The following IQCJ variants were observed in gnomAD, a reference collection of about 807,000 sequenced individuals.
IQCJ encodes the protein IQ domain-containing protein J.
In IQCJ, 9 loss-of-function variants were observed where a neutral mutation model predicts 11.0. That is an observed-to-expected ratio of 0.82 (90% confidence interval 0.49 to 1.43). The LOEUF (loss-of-function observed/expected upper bound fraction) is 1.43, where lower values mean the gene tolerates loss of function less well. Among genes scored for constraint, IQCJ ranks in the 40% most tolerant of loss-of-function variants. The probability of loss-of-function intolerance (pLI) is 0.00; values close to 1 mark genes in which losing one functional copy is unlikely to be tolerated. For synonymous variants in IQCJ, 55 were observed against 51.3 expected, an observed-to-expected ratio of 1.07 and a Z score of -0.31; for missense variants, 146 against 133.2, an observed-to-expected ratio of 1.10 and a Z score of -0.47.
intron 1 of IQCJ, among the ~76,000 whole-genome samples, chr3:159,153,477 A>G (rs1721344761): frequency 6.6e-6 from 1 of 152,190 alleles, no homozygotes; most frequent in East Asian, 1.9e-4. Context: ...ATTCCCGTTC[A>G]TTTCTTCATT....
At chr3:159,163,197 C>T (rs910117285) in intron 1 of IQCJ, among the ~76,000 whole-genome samples, 3 of 152,162 alleles carry the variant, frequency 2.0e-5, no homozygotes, top group African/African-American at 7.2e-5. Flanking sequence ...AAACCGAATC[C>T]AGCAGCACAT....
chr3:159,080,562 G>A (rs1716242365), intron 1 of IQCJ, among the ~76,000 whole-genome samples: 2 of 152,170 alleles, frequency 1.3e-5, no homozygotes, highest in Admixed American at 1.3e-4. Flanking sequence ...AACCGCGTTA[G>A]TGTTTCATCT....
At chr3:159,188,176 C>T (rs917605065) in intron 1 of IQCJ, among the ~76,000 whole-genome samples, 2 of 152,050 alleles carry the variant, frequency 1.3e-5, no homozygotes, top group East Asian at 1.9e-4. Flanking sequence ...TTTGGGAGGT[C>T]GAGGCGGGTG....
At chr3:159,072,872 T>A (rs764200714) in intron 1 of IQCJ, among the ~76,000 whole-genome samples, 1 of 152,072 alleles carries the variant, frequency 6.6e-6, no homozygotes, top group Non-Finnish European at 1.5e-5. Flanking sequence ...CTAGCCACTA[T>A]ACAAAAAAAT....
At position 159,233,102 on chromosome 3, in the gene IQCJ, C is replaced by T. The variant is rs114349933; in HGVS notation, c.10-12741C>T. On this transcript the variant is annotated intron_variant, in intron 1 of 3. Coordinates refer to ENST00000397832, the MANE Select transcript of IQCJ (RefSeq NM_001042706.3). The stretch of plus-strand genomic sequence containing the variant: ...TTTCTTTTTTAAAAGACTCTCTTAT[C>T]GATTTTTTTTGAACCCACATCTGGA... Among the ~76,000 whole-genome samples the T allele has an allele frequency of 3.3e-3, 502 of 152,224 alleles. 8 individuals are homozygous for T. The highest frequency in any genetic ancestry group is 0.011 in the African/African-American group (444 of 41,554).
chr3:159,139,095 C>T lies in IQCJ; in HGVS notation c.9+69654C>T, dbSNP rs373628617. Among the ~76,000 whole-genome samples, 186 of 152,116 alleles carry T rather than the reference C, an allele frequency of 1.2e-3. 1 individual carries two copies. Among genetic ancestry groups the T allele is most frequent in the Non-Finnish European group, 2.3e-3 (155 of 67,984 alleles). On this transcript the variant is annotated intron_variant, in intron 1 of 3. Coordinates refer to ENST00000397832, the MANE Select transcript of IQCJ (RefSeq NM_001042706.3). ...TAAATCTATGCCTTCATATTCATAT[C>T]TTTATAAAATGGATTTACCTGAGTG...
At chr3:159,131,363 C>G (rs555711446) in intron 1 of IQCJ, among the ~76,000 whole-genome samples, 1 of 151,806 alleles carries the variant, frequency 6.6e-6, no homozygotes, top group Non-Finnish European at 1.5e-5. Context: ...GCTCTGGGTG[C>G]CTGATCCCTC....
intron 1 of IQCJ, among the ~76,000 whole-genome samples, chr3:159,160,304 T>C (rs945206695): frequency 1.3e-5 from 2 of 151,918 alleles, no homozygotes; most frequent in Non-Finnish European, 2.9e-5. Context: ...AATTCTATTA[T>C]TATTTTTTTC....
intron 1 of IQCJ, 57 bp from the exon 2 acceptor site, chr3:159,245,786 G>C: frequency 7.1e-7 from 1 of 1,400,510 alleles, no homozygotes; most frequent in South Asian, 1.3e-5. Flanking sequence ...TGCTTGAATA[G>C]CATTGCTCGG....
chr3:159,120,761 C>G (rs1559993312), intron 1 of IQCJ, among the ~76,000 whole-genome samples: 1 of 152,162 alleles, frequency 6.6e-6, no homozygotes, highest in Non-Finnish European at 1.5e-5. Flanking sequence ...AAGTGGCTAA[C>G]AGTAAAGGGT....
intron 1 of IQCJ, among the ~76,000 whole-genome samples, chr3:159,139,473 G>A (rs1720479952): frequency 6.6e-6 from 1 of 152,148 alleles, no homozygotes. Flanking sequence ...TATATTTACT[G>A]TCAAGTCACC....
intron 1 of IQCJ, among the ~76,000 whole-genome samples, chr3:159,241,951 G>A (rs1329860412): frequency 6.6e-6 from 1 of 152,196 alleles, no homozygotes; most frequent in Admixed American, 6.5e-5. Flanking sequence ...GTTCAATCAA[G>A]GGAGGCTTTT....
chr3:159,082,056 T>A (rs1333848807), intron 1 of IQCJ, among the ~76,000 whole-genome samples: 1 of 152,126 alleles, frequency 6.6e-6, no homozygotes, highest in Non-Finnish European at 1.5e-5. Context: ...TTGTATTGGC[T>A]TATTAAATTT....
In IQCJ at chr3:159,166,971, A is replaced by G. The variant is rs1577055548; in HGVS notation, c.10-78872A>G. The stretch of plus-strand genomic sequence containing the variant: ...ATATTGGAAACTTAATCCTGCCTAT[A>G]TCATAAAATTAAATTCTGTAGGAGG... On this transcript the variant is annotated intron_variant, in intron 1 of 3. Coordinates refer to ENST00000397832, the MANE Select transcript of IQCJ (RefSeq NM_001042706.3). Among the ~76,000 whole-genome samples, 3 of 152,312 alleles carry G rather than the reference A, an allele frequency of 2.0e-5. No homozygotes were observed. In the East Asian group the frequency reaches 5.8e-4, roughly 29 times the overall value.
At chr3:159,164,914 C>T (rs1722078788) in intron 1 of IQCJ, among the ~76,000 whole-genome samples, 1 of 152,194 alleles carries the variant, frequency 6.6e-6, no homozygotes, top group Admixed American at 6.5e-5. Context: ...TTCCACTGTT[C>T]TCACATTTCA....
intron 1 of IQCJ, among the ~76,000 whole-genome samples, chr3:159,203,658 G>A (rs1724482224): frequency 1.3e-5 from 2 of 152,142 alleles, no homozygotes; most frequent in Admixed American, 1.3e-4. Context: ...ATCAGTGTGT[G>A]TGTGAGAGAG....
intron 1 of IQCJ, among the ~76,000 whole-genome samples, chr3:159,175,418 C>A (rs1264781778): frequency 1.3e-5 from 2 of 152,190 alleles, no homozygotes; most frequent in Non-Finnish European, 2.9e-5. Context: ...CTGCAGTGAG[C>A]TGTGATTATA....
At chr3:159,079,067 A>G (rs758307251) in intron 1 of IQCJ, among the ~76,000 whole-genome samples, 3 of 152,126 alleles carry the variant, frequency 2.0e-5, no homozygotes, top group African/African-American at 7.2e-5. Context: ...GACAGCCAGG[A>G]GCTGCATTCC....
intron 1 of IQCJ, among the ~76,000 whole-genome samples, chr3:159,194,413 T>A (rs1309237215): frequency 2.0e-5 from 3 of 152,208 alleles, no homozygotes; most frequent in Non-Finnish European, 4.4e-5. Flanking sequence ...ATGATAATTG[T>A]ACCCACCTTG....
Sources: allele counts gnomAD v4.1 joint callset (sites outside exome capture counted in the v4.1 genomes callset), GRCh38; gene constraint gnomAD v4.1.1; transcripts MANE v1.5; gene names NCBI Gene and HGNC (gene_info 2026-07-23, HGNC 2026-07-21).